The following COX10 variants were observed in gnomAD, a reference collection of about 807,000 sequenced individuals.
COX10 encodes cytochrome c oxidase assembly factor heme A:farnesyltransferase COX10.
COX10 carries 27 observed loss-of-function variants against 37.3 expected under a neutral mutation model. The ratio of observed to expected loss-of-function variants is 0.72; its 90% CI spans 0.53 to 1.00. The LOEUF (loss-of-function observed/expected upper bound fraction) is 1.00. Ranked by LOEUF, COX10 falls within the 50% of genes least tolerant of loss-of-function variation. The pLI, the probability that COX10 is intolerant of heterozygous loss-of-function variation, is 0.00. For synonymous variants in COX10, 222 were observed against 229.1 expected (o/e 0.97, Z 0.28); for missense variants, 475 against 563.2 (o/e 0.84, Z 1.59).
At chr17:14,112,973 G>A (rs1357341274) in intron 4 of COX10, among the ~76,000 whole-genome samples, 1 of 152,088 alleles carries the variant, frequency 6.6e-6, no homozygotes, top group African/African-American at 2.4e-5. Context: ...GGCAGCCATT[G>A]GTAGGTTTTG....
rs1906759766 is a variant in COX10, at chr17:14,207,944, T to C, written c.*731T>C. ...AACATATAGACACTGTTGGAAGCAG[T>C]TCCTTCTAAAAGGGTAGCCCTGGAC... On this transcript the variant is annotated 3_prime_UTR_variant, in exon 7 of 7. Coordinates refer to ENST00000261643, the MANE Select transcript of COX10 (RefSeq NM_001303.4). 6.6e-6 allele frequency: 1 copy of C among 152,350 alleles called. No homozygotes were observed. The highest frequency in any genetic ancestry group is 2.1e-4 in the South Asian group (1 of 4,836). The allele number at this position is 152,350 out of a possible 1,614,324, so 9.4% of individuals were successfully genotyped here.
At chr17:14,174,783 A>C (rs1184866181) in intron 5 of COX10, among the ~76,000 whole-genome samples, 1 of 151,498 alleles carries the variant, frequency 6.6e-6, no homozygotes, top group African/African-American at 2.4e-5. Context: ...ATTCCTGTGT[A>C]TGTATGGACA....
At chr17:14,199,990 A>G (rs1203415890) in intron 6 of COX10, among the ~76,000 whole-genome samples, 1 of 152,156 alleles carries the variant, frequency 6.6e-6, no homozygotes, top group Non-Finnish European at 1.5e-5. Flanking sequence ...AGACTATTGT[A>G]CTGGCGAGGG....
Position 14,077,001 on chromosome 17 carries a change from G to A in COX10, c.444G>A (p.Leu148=), listed in dbSNP as rs376223396. 3 of 1,613,782 alleles carry A rather than the reference G, an allele frequency of 1.9e-6. No individual in the cohort carries two copies. The highest frequency in any genetic ancestry group is 4.5e-5 in the East Asian group (2 of 44,860). ...AAAAGCGGTGGAAAGAGATGAAGCT[G>A]CAAGTGTATGATTTGCCAGGAATTT... The part of the protein sequence containing the change: ...KEEKRWKEMK[L]QVYDLPGILA... The change falls in exon 3 of 7, where the codon CTG becomes CTA. Residue 148 remains leucine, a synonymous_variant. Coordinates refer to ENST00000261643, the MANE Select transcript of COX10 (RefSeq NM_001303.4).
At chr17:14,088,514 A>G (rs921933922) in intron 3 of COX10, among the ~76,000 whole-genome samples, 1 of 152,186 alleles carries the variant, frequency 6.6e-6, no homozygotes, top group Non-Finnish European at 1.5e-5. Flanking sequence ...AATTGCCTTA[A>G]GTTCAATTTG....
intron 4 of COX10, among the ~76,000 whole-genome samples, chr17:14,131,937 G>A (rs1916477478): frequency 1.3e-5 from 2 of 151,948 alleles, no homozygotes; most frequent in Non-Finnish European, 2.9e-5. Context: ...ATAAAGTGAT[G>A]CAAAAGTAGG....
At chr17:14,128,663 A>G (rs1196575777) in intron 4 of COX10, among the ~76,000 whole-genome samples, 2 of 152,138 alleles carry the variant, frequency 1.3e-5, no homozygotes, top group African/African-American at 4.8e-5. Flanking sequence ...TAATTAAATA[A>G]AAAGGACACT....
chr17:14,104,324 T>C (rs1192565078), intron 4 of COX10, among the ~76,000 whole-genome samples: 1 of 152,196 alleles, frequency 6.6e-6, no homozygotes, highest in Non-Finnish European at 1.5e-5. Flanking sequence ...GATATTTTAG[T>C]TCCAGTGTTA....
chr17:14,205,538 C>T (rs530452266), intron 6 of COX10, among the ~76,000 whole-genome samples: 1 of 152,188 alleles, frequency 6.6e-6, no homozygotes, highest in Non-Finnish European at 1.5e-5. Context: ...GCCATGGTAT[C>T]CCCAGTGCCT....
intron 3 of COX10, among the ~76,000 whole-genome samples, chr17:14,088,047 C>T (rs960751421): frequency 1.3e-5 from 2 of 152,130 alleles, no homozygotes; most frequent in African/African-American, 4.8e-5. Flanking sequence ...GACAAAGGGA[C>T]TTTCTGGGGA....
At position 14,103,828 on chromosome 17, in the gene COX10, T is replaced by C. The variant is rs76370639; in HGVS notation, c.624+1586T>C. Reference sequence around the variant, plus strand: ...TAAAAGGATGTGTTTAGGTGGCTGCTTGATTTTTAGTCTGTAGAAGTATTT... The same window carrying C: ...TAAAAGGATGTGTTTAGGTGGCTGCCTGATTTTTAGTCTGTAGAAGTATTT... On this transcript the variant is annotated intron_variant, in intron 4 of 6. Coordinates refer to ENST00000261643, the MANE Select transcript of COX10 (RefSeq NM_001303.4). Among the ~76,000 whole-genome samples, 1,437 of 152,324 alleles carry C rather than the reference T, an allele frequency of 9.4e-3. 53 individuals are homozygous for C. The highest frequency in any genetic ancestry group is 0.088 in the East Asian group (457 of 5,180).
intron 3 of COX10, among the ~76,000 whole-genome samples, chr17:14,079,835 G>T (rs1041595278): frequency 8.1e-6 from 1 of 123,700 alleles, no homozygotes. Context: ...AAAGAAATAG[G>T]ATCATTTTAT....
chr17:14,074,330 A>G lies in COX10; in HGVS notation c.51A>G (p.Val17=). The G allele has an allele frequency of 6.2e-7, 1 of 1,614,118 alleles. No homozygotes were observed. The highest frequency in any genetic ancestry group is 8.5e-7 in the Non-Finnish European group (1 of 1,179,974). ...TLSSRLLTGC[V]GGSVWYLERR... ...CTTCTCTCTCTATTATAGGTTGCGT[A>G]GGAGGCTCTGTCTGGTATCTTGAAA... The change falls in exon 2 of 7, where the codon GTA becomes GTG. Residue 17 remains valine (V), a synonymous_variant. Transcript: ENST00000261643.
intron 6 of COX10, among the ~76,000 whole-genome samples, chr17:14,205,433 G>A (rs143594410): frequency 0.011 from 1,666 of 152,290 alleles, 12 homozygotes; most frequent in Middle Eastern, 0.041. Flanking sequence ...CATTTGGAGT[G>A]GTGACTTTAG....
At chr17:14,095,958 AT>A (rs1164786377) in intron 3 of COX10, among the ~76,000 whole-genome samples, 7 of 152,122 alleles carry the variant, frequency 4.6e-5, no homozygotes, top group Non-Finnish European at 7.4e-5. Context: ...GAACTAGGTA[AT>A]TTATAAAGAA....
chr17:14,157,205 C>G (rs1332613147), intron 4 of COX10, among the ~76,000 whole-genome samples: 1 of 152,178 alleles, frequency 6.6e-6, no homozygotes, highest in African/African-American at 2.4e-5. Context: ...GGCCCATGAG[C>G]TACAGTTTGC....
chr17:14,204,699 CT>C (rs2142271511), intron 6 of COX10, among the ~76,000 whole-genome samples: 1 of 152,202 alleles, frequency 6.6e-6, no homozygotes, highest in East Asian at 1.9e-4. Flanking sequence ...CCCTCACCCC[CT>C]ACACACATAG....
At chr17:14,079,527 C>T (rs1038000257) in intron 3 of COX10, among the ~76,000 whole-genome samples, 5 of 152,134 alleles carry the variant, frequency 3.3e-5, no homozygotes, top group Non-Finnish European at 5.9e-5. Context: ...GTCATGTTGT[C>T]ATATTGGCAT....
intron 6 of COX10, among the ~76,000 whole-genome samples, chr17:14,194,704 C>T (rs1171652530): frequency 3.9e-5 from 6 of 152,168 alleles, no homozygotes; most frequent in East Asian, 1.9e-4. Context: ...GGATTACAGG[C>T]GTGAGCCACC....
Sources: gnomAD v4.1 joint callset for allele counts (sites outside exome capture counted in the v4.1 genomes callset) on GRCh38, gnomAD v4.1.1 for gene constraint, MANE v1.5 for transcripts, NCBI Gene and HGNC (gene_info 2026-07-23, HGNC 2026-07-21) for gene names.